SHQ1: variants seen among roughly 807,000 people sequenced by gnomAD.
SHQ1 encodes protein SHQ1 homolog.
In SHQ1, 49 loss-of-function variants were observed where a neutral mutation model predicts 53.8. The observed-to-expected ratio is 0.91, with a 90% CI of 0.72 to 1.16. SHQ1 has a LOEUF of 1.16. Ranked by LOEUF, SHQ1 falls within the 50% of genes most tolerant of loss-of-function variation. The pLI is 0.00. For missense variants in SHQ1, 738 were observed against 683.1 expected, an observed-to-expected ratio of 1.08 and a Z score of -0.90; for synonymous variants, 243 against 251.0, an observed-to-expected ratio of 0.97 and a Z score of 0.30.
intron 10 of SHQ1, among the ~76,000 whole-genome samples, chr3:72,760,067 C>A (rs1489016292): frequency 6.6e-6 from 1 of 152,222 alleles, no homozygotes; most frequent in Non-Finnish European, 1.5e-5. Context: ...CCACTAATTT[C>A]ACTATTATTG....
intron 10 of SHQ1, among the ~76,000 whole-genome samples, chr3:72,760,304 G>A (rs1323622995): frequency 6.6e-6 from 1 of 152,218 alleles, no homozygotes; most frequent in Non-Finnish European, 1.5e-5. Flanking sequence ...GAATGTGGAT[G>A]AAATTTATTA....
intron 9 of SHQ1, among the ~76,000 whole-genome samples, chr3:72,808,286 A>G (rs1428119902): frequency 6.6e-6 from 1 of 152,178 alleles, no homozygotes; most frequent in Non-Finnish European, 1.5e-5. Context: ...CCAGGCAGCA[A>G]TCAACTTGTA....
chr3:72,745,907 A>G (rs1285733682), downstream of SHQ1, among the ~76,000 whole-genome samples: 1 of 151,336 alleles, frequency 6.6e-6, no homozygotes, highest in African/African-American at 2.4e-5. Context: ...CAGTGGCACA[A>G]TCTCGGCTCA....
chr3:72,805,370 G>A (rs1706908354), intron 9 of SHQ1, among the ~76,000 whole-genome samples: 1 of 152,140 alleles, frequency 6.6e-6, no homozygotes, highest in Non-Finnish European at 1.5e-5. Flanking sequence ...ATAGGACTTT[G>A]ATTCACTAGG....
intron 10 of SHQ1, among the ~76,000 whole-genome samples, chr3:72,791,198 C>A (rs553882417): frequency 5.8e-4 from 88 of 152,084 alleles, no homozygotes; most frequent in African/African-American, 2.1e-3. Context: ...AAAAGAAAAA[C>A]CAAAACCCAC....
chr3:72,776,301 T>G (rs980522770), intron 10 of SHQ1, among the ~76,000 whole-genome samples: 1 of 152,246 alleles, frequency 6.6e-6, no homozygotes, highest in Non-Finnish European at 1.5e-5. Context: ...CTGATTTTAC[T>G]GTACCTTTTC....
At chr3:72,765,115 C>G (rs755810251) in intron 10 of SHQ1, among the ~76,000 whole-genome samples, 3 of 152,208 alleles carry the variant, frequency 2.0e-5, no homozygotes, top group Non-Finnish European at 2.9e-5. Flanking sequence ...CTTAGCCCCC[C>G]TTCTAGGTCA....
At chr3:72,725,310 G>A in the SHQ1 span, among the ~76,000 whole-genome samples, 3 of 152,040 alleles carry the variant, frequency 2.0e-5, no homozygotes, top group Admixed American at 2.0e-4. Context: ...CTCCAAACTG[G>A]CCTCTGCACT....
In SHQ1 at chr3:72,844,380, C is replaced by G. The variant is rs147891764; in HGVS notation, c.187G>C (p.Gly63Arg). The G allele has an allele frequency of 6.2e-7, 1 of 1,613,810 alleles. No homozygotes were observed. The highest frequency in any genetic ancestry group is 1.3e-5 in the African/African-American group (1 of 75,028). The change falls in exon 2 of 11, where the codon GGG becomes CGG. Residue 63 changes from glycine to arginine, a missense_variant. Coordinates refer to ENST00000325599, the MANE Select transcript of SHQ1 (RefSeq NM_018130.3). The stretch of plus-strand genomic sequence containing the variant: ...ATACCTTTATCTGCATCATAGGACC[C>G]TTGCTCACTTCCATTTTCTACAATT... ...GRIVENGSEQ[G>R]SYDADKGIFT...
intron 5 of SHQ1, among the ~76,000 whole-genome samples, chr3:72,826,259 T>C (rs1019760094): frequency 6.6e-6 from 1 of 152,182 alleles, no homozygotes; most frequent in African/African-American, 2.4e-5. Flanking sequence ...AAGGACAAAA[T>C]AGCTGCTTCA....
chr3:72,747,367 C>G (rs890554309), downstream of SHQ1, among the ~76,000 whole-genome samples: 1 of 152,130 alleles, frequency 6.6e-6, no homozygotes, highest in African/African-American at 2.4e-5. Context: ...TTTACTCTCC[C>G]GTCAGACATA....
intron 6 of SHQ1, among the ~76,000 whole-genome samples, chr3:72,821,860 A>G (rs1206458995): frequency 6.6e-6 from 1 of 152,218 alleles, no homozygotes; most frequent in Non-Finnish European, 1.5e-5. Context: ...TATTCCTCCA[A>G]TTCTGAGTGC....
chr3:72,737,089 A>G, the SHQ1 span, among the ~76,000 whole-genome samples: 2 of 151,934 alleles, frequency 1.3e-5, no homozygotes, highest in Non-Finnish European at 1.5e-5. Flanking sequence ...GCCTAACATA[A>G]TGAAACCCCA....
intron 9 of SHQ1, among the ~76,000 whole-genome samples, chr3:72,796,101 CAAAAAAAAAAAAAAAA>C (rs555086403): frequency 2.5e-5 from 1 of 40,532 alleles, no homozygotes; most frequent in Admixed American, 2.6e-4. Flanking sequence ...GACTCCATCT[CAAAAAAAAAAAAAAAA>C]AAAAAAAGAA....
At chr3:72,828,591 G>A (rs999064347) in intron 5 of SHQ1, among the ~76,000 whole-genome samples, 1 of 152,088 alleles carries the variant, frequency 6.6e-6, no homozygotes. Flanking sequence ...CTACTCAGGA[G>A]GCTGAGGCGG....
intron 10 of SHQ1, among the ~76,000 whole-genome samples, chr3:72,751,952 A>C (rs1045583486): frequency 2.6e-5 from 4 of 152,172 alleles, no homozygotes; most frequent in African/African-American, 7.2e-5. Context: ...CTGGACCCAG[A>C]AAGCCCCATG....
the SHQ1 span, among the ~76,000 whole-genome samples, chr3:72,729,968 G>A: frequency 3.3e-5 from 5 of 152,112 alleles, no homozygotes; most frequent in Middle Eastern, 3.4e-3. Context: ...ACAGGCGCCC[G>A]CCACCTCACC....
At chr3:72,798,376 T>C (rs541413250) in intron 9 of SHQ1, among the ~76,000 whole-genome samples, 1 of 152,308 alleles carries the variant, frequency 6.6e-6, no homozygotes, top group South Asian at 2.1e-4. Context: ...TGTTCACTCA[T>C]GAAAGCAGTT....
the SHQ1 span, among the ~76,000 whole-genome samples, chr3:72,732,388 G>GCCTGCCTGCCTTCCTTCCTTCCTTCCTT: frequency 5.2e-5 from 3 of 58,176 alleles, no homozygotes; most frequent in African/African-American, 1.2e-4. Context: ...CTGCCTGCCT[G>GCCTGCCTGCCTTCCTTCCTTCCTTCCTT]CCTTCCTTCC....
Sources: allele counts gnomAD v4.1 joint callset (sites outside exome capture counted in the v4.1 genomes callset), GRCh38; gene constraint gnomAD v4.1.1; transcripts MANE v1.5; gene names NCBI Gene and HGNC (gene_info 2026-07-23, HGNC 2026-07-21).